EYA4: variants seen among roughly 807,000 people sequenced by gnomAD.
EYA4 encodes the protein protein phosphatase EYA4.
Under a neutral mutation model 87.9 loss-of-function variants are expected in EYA4, and 31 were observed. That is an observed-to-expected ratio of 0.35 (90% CI 0.27 to 0.48). The LOEUF (loss-of-function observed/expected upper bound fraction) is 0.48. Ranked by LOEUF, EYA4 falls within the 20% of genes least tolerant of loss-of-function variation. The pLI, the probability that EYA4 is intolerant of heterozygous loss-of-function variation, is 0.99. For missense variants in EYA4, 678 were observed against 761.4 expected (o/e 0.89, Z 1.29); for synonymous variants, 263 against 270.6 (o/e 0.97, Z 0.28).
At chr6:133,449,617 A>G (rs1470668786) in intron 5 of EYA4, among the ~76,000 whole-genome samples, 1 of 152,182 alleles carries the variant, frequency 6.6e-6, no homozygotes, top group African/African-American at 2.4e-5. Flanking sequence ...CACTACACAT[A>G]CTGGCTGTGT....
intron 3 of EYA4, among the ~76,000 whole-genome samples, chr6:133,407,259 T>G (rs1011161809): frequency 6.6e-6 from 1 of 151,846 alleles, no homozygotes; most frequent in African/African-American, 2.4e-5. Flanking sequence ...GGGTTTTTTT[T>G]TTTTTTTTTT....
intron 13 of EYA4, among the ~76,000 whole-genome samples, chr6:133,489,306 G>A (rs1189953684): frequency 6.6e-6 from 1 of 152,064 alleles, no homozygotes; most frequent in Non-Finnish European, 1.5e-5. Flanking sequence ...GCCTTAAACA[G>A]GAGATGGAGG....
At chr6:133,386,847 T>C (rs1221547160) in intron 3 of EYA4, among the ~76,000 whole-genome samples, 2 of 152,194 alleles carry the variant, frequency 1.3e-5, no homozygotes, top group Non-Finnish European at 2.9e-5. Flanking sequence ...GCTAAGATGA[T>C]AGTTTTTCCA....
chr6:133,313,120 A>G (rs1419774016), intron 2 of EYA4, among the ~76,000 whole-genome samples: 4 of 152,204 alleles, frequency 2.6e-5, no homozygotes, highest in African/African-American at 9.6e-5. Flanking sequence ...TTTTAAAGAT[A>G]GAAGTTACAT....
At chr6:133,522,759 A>G (rs1045427738) in intron 17 of EYA4, among the ~76,000 whole-genome samples, 1 of 152,094 alleles carries the variant, frequency 6.6e-6, no homozygotes, top group Non-Finnish European at 1.5e-5. Flanking sequence ...ATTTCATTCT[A>G]CCATGTTTTC....
At chr6:133,429,662 A>G (rs1791006575) in intron 3 of EYA4, among the ~76,000 whole-genome samples, 2 of 152,154 alleles carry the variant, frequency 1.3e-5, no homozygotes, top group South Asian at 2.1e-4. Flanking sequence ...TGTTTTCATG[A>G]TCATCAATTA....
rs34668463 is a variant in EYA4, at chr6:133,270,634, G to GT, written c.-65-4073dup. ...TTCAGCAAGCACCTCAACAGGTCATGTTTTTTTTTCCTTGTGGAGTGACCC... is the reference window on the plus strand; with the variant it reads ...TTCAGCAAGCACCTCAACAGGTCATGTTTTTTTTTTCCTTGTGGAGTGACCC... On this transcript the variant is annotated intron_variant, in intron 1 of 19. Coordinates refer to ENST00000355286, the MANE Select transcript of EYA4 (RefSeq NM_004100.5). Among the ~76,000 whole-genome samples the GT allele has an allele frequency of 3.2e-3, 491 of 151,436 alleles. 4 individuals are homozygous for GT. Among genetic ancestry groups the GT allele is most frequent in the African/African-American group, 0.011 (455 of 41,308 alleles).
chr6:133,465,984 C>G (rs920570506), intron 10 of EYA4, among the ~76,000 whole-genome samples: 1 of 151,816 alleles, frequency 6.6e-6, no homozygotes, highest in African/African-American at 2.4e-5. Context: ...TTTTTTGTAA[C>G]TTGATTTTAT....
chr6:133,382,475 G>A, intron 3 of EYA4, 34 bp downstream of exon 3: 1 of 1,442,252 alleles, frequency 6.9e-7, no homozygotes, highest in Non-Finnish European at 9.8e-7. Context: ...CTCCCCTAAG[G>A]AGAATTGCAG....
rs1195889018 is a variant in EYA4, at chr6:133,468,635, G to A, written c.874G>A (p.Ala292Thr). 1.2e-6 allele frequency: 2 copies of A among 1,612,674 alleles called. No individual in the cohort carries two copies. Among genetic ancestry groups the A allele is most frequent in the Non-Finnish European group, 1.7e-6 (2 of 1,178,920 alleles). ...GTATTATTCAGCATCAACGTATGGA[G>A]CGTATATGACATCGAATAACACAGC... ...AQYYSASTYG[A>T]YMTSNNTADG... is the part of the protein sequence containing the mutation. Residue 292 changes from alanine to threonine, a missense_variant, in exon 11 of 20, where the codon GCG (alanine) becomes ACG (threonine). Physicochemically the swap from Ala to Thr is moderately conservative, Grantham distance 58. Transcript: ENST00000355286.
intron 3 of EYA4, among the ~76,000 whole-genome samples, chr6:133,394,257 G>A (rs1457062303): frequency 7.4e-6 from 1 of 134,928 alleles, no homozygotes; most frequent in African/African-American, 3.0e-5. Flanking sequence ...CATAAGAATA[G>A]TTGGAAAAAT....
intron 4 of EYA4, among the ~76,000 whole-genome samples, chr6:133,447,835 A>G (rs1793004940): frequency 6.6e-6 from 1 of 152,260 alleles, no homozygotes; most frequent in Admixed American, 6.5e-5. Context: ...TTTAGTGATG[A>G]AAACTAGAGT....
At chr6:133,521,820 A>G (rs1280559986) in intron 17 of EYA4, among the ~76,000 whole-genome samples, 2 of 124,232 alleles carry the variant, frequency 1.6e-5, no homozygotes, top group Admixed American at 8.4e-5. Context: ...TTGTAGGGAC[A>G]TGGATGAAAT....
At position 133,486,564 on chromosome 6, in the gene EYA4, A is replaced by C. The variant is rs1046653154; in HGVS notation, c.1191+3449A>C. ...AAACAAAAAACAAAACAAAACAAAAAAAAACACATTTCAGGTATTGGTGAC... is the reference window on the plus strand; with the variant it reads ...AAACAAAAAACAAAACAAAACAAAACAAAACACATTTCAGGTATTGGTGAC... On this transcript the variant is annotated intron_variant, in intron 13 of 19. Transcript: ENST00000355286. 5.3e-5 allele frequency among the ~76,000 whole-genome samples: 8 copies of C among 152,324 alleles called. No individual in the cohort carries two copies. The East Asian group carries it at 1.2e-3, about 22-fold the overall frequency.
In EYA4 at chr6:133,439,081, T is replaced by G. The variant is rs1007864862; in HGVS notation, c.84-7549T>G. On this transcript the variant is annotated intron_variant, in intron 3 of 19. Transcript: ENST00000355286. ...AAAAAAAAAAAAAAAAAAAAAGTCT[T>G]TGGGTTGGGCGAGTCTAGTAGAAGA... 2.3e-5 allele frequency among the ~76,000 whole-genome samples: 3 copies of G among 131,480 alleles called. No homozygotes were observed. In the South Asian group the frequency reaches 7.9e-4, roughly 34 times the overall value. The allele number at this position is 131,480 out of a possible 152,430, so 86.3% of individuals were successfully genotyped here.
chr6:133,366,740 A>AG (rs398002868), intron 2 of EYA4, among the ~76,000 whole-genome samples: 1 of 2,566 alleles, frequency 3.9e-4, no homozygotes, highest in Non-Finnish European at 3.5e-3. Context: ...TTTATATTCT[A>AG]TGTAGATAAC....
At chr6:133,306,360 T>C (rs1304999970) in intron 2 of EYA4, among the ~76,000 whole-genome samples, 3 of 152,150 alleles carry the variant, frequency 2.0e-5, no homozygotes, top group East Asian at 1.9e-4. Flanking sequence ...TCATTTTGCA[T>C]GTGAAAAACT....
intron 17 of EYA4, among the ~76,000 whole-genome samples, chr6:133,517,729 T>C (rs952625575): frequency 6.6e-6 from 1 of 150,826 alleles, no homozygotes; most frequent in Admixed American, 6.6e-5. Context: ...GGGACCATAT[T>C]CCAGTGGGGG....
chr6:133,317,811 A>G (rs1582938770), intron 2 of EYA4, among the ~76,000 whole-genome samples: 1 of 148,656 alleles, frequency 6.7e-6, no homozygotes, highest in Non-Finnish European at 1.5e-5. Flanking sequence ...CCCCCCGTTC[A>G]TCTATCCATC....
Sources: gnomAD v4.1 joint callset for allele counts (sites outside exome capture counted in the v4.1 genomes callset) on GRCh38, gnomAD v4.1.1 for gene constraint, MANE v1.5 for transcripts, NCBI Gene and HGNC (gene_info 2026-07-23, HGNC 2026-07-21) for gene names.